The following TENM1 variants were observed in gnomAD, a reference collection of about 807,000 sequenced individuals.
TENM1 encodes teneurin transmembrane protein 1.
A neutral mutation model predicts 174.8 loss-of-function variants in TENM1; 35 were observed. The ratio of observed to expected loss-of-function variants is 0.20; its 90% CI spans 0.15 to 0.27. The LOEUF (loss-of-function observed/expected upper bound fraction) is 0.27, where lower values mean the gene tolerates loss of function less well. Among genes scored for constraint, TENM1 ranks in the 10% least tolerant of loss-of-function variants. The pLI, the probability that TENM1 is intolerant of heterozygous loss-of-function variation, is 1.00. For synonymous variants in TENM1, 781 were observed against 798.7 expected, an observed-to-expected ratio of 0.98 and a Z score of 0.37; for missense variants, 1,633 against 2,130.1, an observed-to-expected ratio of 0.77 and a Z score of 4.59.
chrX:124,429,830 A>G (rs1031136862), intron 23 of TENM1, among the ~76,000 whole-genome samples: 10 of 112,008 alleles, frequency 8.9e-5, no homozygotes, highest in Non-Finnish European at 5.6e-5. Flanking sequence ...AGGTGCCAGT[A>G]GCACCTTACC....
chrX:124,926,331 C>T (rs1234183631), intron 1 of TENM1, among the ~76,000 whole-genome samples: 2 of 111,433 alleles, frequency 1.8e-5, no homozygotes, highest in Non-Finnish European at 3.8e-5. Flanking sequence ...GATAACAATA[C>T]CTGTTGCATA....
chrX:124,412,942 A>G (rs2060553085), intron 25 of TENM1, among the ~76,000 whole-genome samples: 1 of 112,211 alleles, frequency 8.9e-6, no homozygotes, highest in Admixed American at 9.4e-5. Flanking sequence ...TGGTGTTTGA[A>G]TCCTAGAAGG....
chrX:125,050,914 G>A, the TENM1 span, among the ~76,000 whole-genome samples: 2 of 112,181 alleles, frequency 1.8e-5, no homozygotes, highest in South Asian at 7.3e-4. Flanking sequence ...AATTGTCCCT[G>A]TTTGCAGATG....
At chrX:124,970,279 C>T in the TENM1 span, among the ~76,000 whole-genome samples, 203 of 111,611 alleles carry the variant, frequency 1.8e-3, 2 homozygotes, top group Admixed American at 3.7e-3. Context: ...GGAACTTCCT[C>T]CAAATAGTCT....
At chrX:124,574,045 C>G (rs1408515024) in intron 11 of TENM1, among the ~76,000 whole-genome samples, 1 of 111,808 alleles carries the variant, frequency 8.9e-6, no homozygotes, top group African/African-American at 3.2e-5. Context: ...CAAAAGAATG[C>G]TAAAATATAA....
intron 20 of TENM1, among the ~76,000 whole-genome samples, chrX:124,495,242 T>C (rs1449592017): frequency 1.3e-4 from 13 of 102,857 alleles, no homozygotes; most frequent in African/African-American, 1.4e-4. Context: ...GTGGTTTTGA[T>C]TTGCATTTCT....
intron 3 of TENM1, among the ~76,000 whole-genome samples, chrX:124,737,865 T>C (rs2053712283): frequency 8.9e-6 from 1 of 112,444 alleles, no homozygotes; most frequent in South Asian, 3.7e-4. Flanking sequence ...GCAACTTTTT[T>C]CCTTTGCCAC....
At chrX:124,590,339 T>G (rs977426982) in intron 11 of TENM1, among the ~76,000 whole-genome samples, 4 of 109,637 alleles carry the variant, frequency 3.6e-5, no homozygotes, top group South Asian at 4.0e-4. Context: ...ACCAACAACA[T>G]ACAAACAGAG....
intron 1 of TENM1, among the ~76,000 whole-genome samples, chrX:124,950,407 G>GCTCT (rs778254138): frequency 9.9e-4 from 111 of 111,835 alleles, no homozygotes; most frequent in Middle Eastern, 4.6e-3. Context: ...TATACTCCAT[G>GCTCT]CTCTCTAAGA....
At chrX:124,471,637 T>C (rs1357563297) in intron 22 of TENM1, among the ~76,000 whole-genome samples, 1 of 83,177 alleles carries the variant, frequency 1.2e-5, no homozygotes, top group Non-Finnish European at 2.2e-5. Context: ...TAATATATAA[T>C]ATATAATTAT....
chrX:124,609,695 T>C (rs759014479), intron 11 of TENM1, among the ~76,000 whole-genome samples: 1 of 111,613 alleles, frequency 9.0e-6, no homozygotes, highest in East Asian at 2.8e-4. Context: ...GAGTAAAATG[T>C]AGTGAAAACC....
At chrX:124,484,487 G>A (rs938558014) in intron 21 of TENM1, among the ~76,000 whole-genome samples, 12 of 111,670 alleles carry the variant, frequency 1.1e-4, no homozygotes, top group South Asian at 7.6e-4. Context: ...GCTTTATCTC[G>A]TCTCCATCTA....
chrX:125,093,208 T>C, the TENM1 span, among the ~76,000 whole-genome samples: 1 of 111,999 alleles, frequency 8.9e-6, no homozygotes, highest in Non-Finnish European at 1.9e-5. Flanking sequence ...CACCAGCTGA[T>C]TTCTGTGATC....
chrX:125,093,304 G>C, the TENM1 span, among the ~76,000 whole-genome samples: 1 of 111,308 alleles, frequency 9.0e-6, no homozygotes, highest in Non-Finnish European at 1.9e-5. Context: ...CAAAGGGCCA[G>C]ATTACAGCAC....
chrX:125,128,486 T>C, the TENM1 span, among the ~76,000 whole-genome samples: 17,818 of 111,311 alleles, frequency 0.16, 1,136 homozygotes, highest in Admixed American at 0.31. Flanking sequence ...AACACACAGG[T>C]TGACTGCATT....
At chrX:124,809,703 C>T (rs533040720) in intron 3 of TENM1, among the ~76,000 whole-genome samples, 3 of 110,840 alleles carry the variant, frequency 2.7e-5, no homozygotes, top group East Asian at 2.8e-4. Context: ...TAAAGACATA[C>T]CTGAAACTGA....
At chrX:125,102,354 T>C in the TENM1 span, among the ~76,000 whole-genome samples, 5 of 108,254 alleles carry the variant, frequency 4.6e-5, no homozygotes, top group African/African-American at 1.7e-4. Context: ...CCCTTCCCTC[T>C]AGGTCAGAGT....
intron 3 of TENM1, among the ~76,000 whole-genome samples, chrX:124,787,088 T>A: frequency 9.0e-6 from 1 of 111,452 alleles, no homozygotes; most frequent in Non-Finnish European, 1.9e-5. Context: ...AAATAAAAAA[T>A]ATTATTGCCC....
At chrX:124,972,088 C>A in the TENM1 span, among the ~76,000 whole-genome samples, 1 of 109,439 alleles carries the variant, frequency 9.1e-6, no homozygotes, top group Admixed American at 9.8e-5. Context: ...CACAAAGTAG[C>A]CAGGTGTCTT....
Sources: gnomAD v4.1 joint callset for allele counts (sites outside exome capture counted in the v4.1 genomes callset) on GRCh38, gnomAD v4.1.1 for gene constraint, MANE v1.5 for transcripts, NCBI Gene and HGNC (gene_info 2026-07-23, HGNC 2026-07-21) for gene names.